Variants in SRCAP observed in about 807,000 individuals in gnomAD.
SRCAP encodes the protein chromatin remodeling protein SRCAP.
Under a neutral mutation model 263.1 loss-of-function variants are expected in SRCAP, and 46 were observed. That is an observed-to-expected ratio of 0.17 (90% CI 0.14 to 0.22). SRCAP has a LOEUF of 0.22. Ranked by LOEUF, SRCAP falls within the 10% of genes least tolerant of loss-of-function variation. The probability of loss-of-function intolerance (pLI) is 1.00; values close to 1 mark genes in which losing one functional copy is unlikely to be tolerated. For synonymous variants in SRCAP, 1,813 were observed against 1,662.1 expected, an observed-to-expected ratio of 1.09 and a Z score of -2.21; for missense variants, 3,695 against 4,181.9, an observed-to-expected ratio of 0.88 and a Z score of 3.21.
chr16:30,737,018 TC>T (rs1343143750), intron 33 of SRCAP, 30 bp from the exon 34 acceptor site: 1 of 1,548,356 alleles, frequency 6.5e-7, no homozygotes, highest in Non-Finnish European at 8.7e-7. Context: ...GCTTGCCTCC[TC>T]CTGACCACTT....
At chr16:30,706,335 A>G (rs1243093741) in intron 4 of SRCAP, among the ~76,000 whole-genome samples, 5 of 152,108 alleles carry the variant, frequency 3.3e-5, no homozygotes, top group African/African-American at 7.2e-5. Context: ...GCATGTGCCT[A>G]TAGTCAGTCT....
rs2053036821 is a variant in SRCAP, at chr16:30,723,950, T to A, written c.4526T>A (p.Leu1509Ter). ...SPSASALTLG[L>*]ATAPSLSSSQ... ...TCAGCATCAGCCTTGACTCTAGGTT[T>A]GGCCACAGCTCCATCCCTGTCTTCA... is the stretch of plus-strand genomic sequence containing the variant. Residue 1509 changes from leucine to a stop codon, truncating the protein, a stop_gained, in exon 25 of 34, where the codon TTG becomes TAG. Transcript: ENST00000262518. LOFTEE classifies it high-confidence loss of function. The A allele has an allele frequency of 6.2e-7, 1 of 1,614,080 alleles. No homozygotes were observed. Among genetic ancestry groups the A allele is most frequent in the African/African-American group, 1.3e-5 (1 of 74,924 alleles).
intron 3 of SRCAP, among the ~76,000 whole-genome samples, chr16:30,702,500 C>T (rs1238682914): frequency 1.3e-5 from 2 of 151,604 alleles, no homozygotes; most frequent in East Asian, 3.9e-4. Context: ...TCCAAAAGTG[C>T]TAGGATTACA....
At chr16:30,706,552 T>C (rs2052829503) in intron 4 of SRCAP, among the ~76,000 whole-genome samples, 1 of 152,220 alleles carries the variant, frequency 6.6e-6, no homozygotes, top group Non-Finnish European at 1.5e-5. Context: ...GTAGAAGCTT[T>C]AGTAAAAATG....
intron 30 of SRCAP, 92 bp from the exon 31 acceptor site, chr16:30,734,404 C>G: frequency 2.6e-6 from 4 of 1,555,226 alleles, no homozygotes; most frequent in Non-Finnish European, 3.5e-6. Flanking sequence ...CCAGTGGTAC[C>G]CCTGACAGTT....
At chr16:30,710,594 TGA>T in intron 8 of SRCAP, 158 bp from the exon 9 acceptor site, 7 of 855,132 alleles carry the variant, frequency 8.2e-6, no homozygotes, top group Non-Finnish European at 1.4e-5. Flanking sequence ...TAGCTGGTGC[TGA>T]GAGAAAACCC....
rs770457886 is a variant in SRCAP, at chr16:30,738,685, C to T, written c.8645C>T (p.Ser2882Leu). The change falls in exon 34 of 34, where the codon TCA becomes TTA. Residue 2882 changes from serine (S) to leucine (L), a missense_variant. Physicochemically the swap from Ser to Leu is moderately radical, Grantham distance 145 (BLOSUM62 -2). Transcript: ENST00000262518. ...GGGAGAGGTGTGGATGAGGCACCCTCATCCACCTTGAAGGGAAAAACCAAT... is the reference window on the plus strand; with the variant it reads ...GGGAGAGGTGTGGATGAGGCACCCTTATCCACCTTGAAGGGAAAAACCAAT... Reference protein sequence around the residue: ...DAGRGVDEAPSSTLKGKTNGA... With the variant: ...DAGRGVDEAPLSTLKGKTNGA... The T allele has an allele frequency of 2.5e-6, 4 of 1,613,976 alleles. No homozygotes were observed. Among genetic ancestry groups the T allele is most frequent in the Admixed American group, 1.7e-5 (1 of 60,004 alleles).
chr16:30,735,567 CTTTTTTTTTTT>C (rs10663863), intron 31 of SRCAP, among the ~76,000 whole-genome samples: 5 of 69,588 alleles, frequency 7.2e-5, no homozygotes, highest in South Asian at 1.2e-3. Flanking sequence ...TTTGACATTA[CTTTTTTTTTTT>C]TTTTTTTTTT....
chr16:30,708,069 C>T (rs994010960), intron 6 of SRCAP, among the ~76,000 whole-genome samples: 6 of 152,244 alleles, frequency 3.9e-5, no homozygotes, highest in African/African-American at 1.2e-4. Context: ...TCTGTATTTT[C>T]GGTCTTGCCT....
At chr16:30,727,570 T>G (rs1038595598) in intron 25 of SRCAP, among the ~76,000 whole-genome samples, 1 of 152,224 alleles carries the variant, frequency 6.6e-6, no homozygotes, top group Middle Eastern at 3.4e-3. Flanking sequence ...GTTTCTTTTT[T>G]TGAGATGGAG....
rs1293951385 is a variant in SRCAP at position 30,722,243 on chromosome 16, C to T, written c.3663C>T (p.Ala1221=). ...GCAACAAGCTGACTTTGACTGGTGC[C>T]CAGGTGCGCCAGCTTGCTGTGGGGC... The part of the protein sequence containing the change: ...IQGNKLTLTG[A]QVRQLAVGQP... The change falls in exon 22 of 34, where the codon GCC becomes GCT. Residue 1221 remains alanine, a synonymous_variant. Transcript: ENST00000262518. 3 of 1,614,150 alleles carry T rather than the reference C, an allele frequency of 1.9e-6. No homozygotes were observed. In the South Asian group the frequency reaches 3.3e-5, roughly 18 times the overall value.
intron 18 of SRCAP, among the ~76,000 whole-genome samples, chr16:30,718,706 G>A (rs1379711126): frequency 1.3e-5 from 2 of 151,574 alleles, no homozygotes; most frequent in African/African-American, 4.9e-5. Flanking sequence ...CCTGACCTCA[G>A]ATAATCTGCC....
chr16:30,724,293 T>G lies in SRCAP; in HGVS notation c.4869T>G (p.Ala1623=). 6.2e-7 allele frequency: 1 copy of G among 1,614,126 alleles called. No individual in the cohort carries two copies. Among genetic ancestry groups the G allele is most frequent in the Non-Finnish European group, 8.5e-7 (1 of 1,180,020 alleles). Residue 1623 remains alanine (A), a synonymous_variant, in exon 25 of 34, where the codon GCT becomes GCG. Coordinates refer to ENST00000262518, the MANE Select transcript of SRCAP (RefSeq NM_006662.3). ...APSPGAAPVL[A]SSQTPVPVMA... The stretch of plus-strand genomic sequence containing the variant: ...CGCCAGGTGCTGCTCCTGTCCTGGC[T>G]TCATCACAGACTCCGGTTCCAGTTA...
In SRCAP at chr16:30,739,730, G is replaced by A. The variant is rs973709922; in HGVS notation, c.9690G>A (p.Thr3230=). The change falls in exon 34 of 34, where the codon ACG becomes ACA. Residue 3230 remains threonine (T), a synonymous_variant. Coordinates refer to ENST00000262518, the MANE Select transcript of SRCAP (RefSeq NM_006662.3). ...GTCACAGAGGCCGCAAGGCCAAGACGTGAGTGGGCTGCCCCTCCACCTAGG... is the reference window on the plus strand; with the variant it reads ...GTCACAGAGGCCGCAAGGCCAAGACATGAGTGGGCTGCCCCTCCACCTAGG... ...AVSHRGRKAK[T] is the part of the protein sequence containing the mutation. 8 of 1,472,048 alleles carry A rather than the reference G, an allele frequency of 5.4e-6. No individual in the cohort carries two copies. Among genetic ancestry groups the A allele is most frequent in the East Asian group, 2.5e-5 (1 of 40,430 alleles). The allele number at this position is 1,472,048 out of a possible 1,614,324, so 91.2% of individuals were successfully genotyped here.
Position 30,724,548 on chromosome 16 carries a change from G to A in SRCAP, c.5124G>A (p.Gln1708=). 6.2e-7 allele frequency: 1 copy of A among 1,614,178 alleles called. No individual in the cohort carries two copies. The highest frequency in any genetic ancestry group is 8.5e-7 in the Non-Finnish European group (1 of 1,180,024). ...QTLSLGTGNP[Q]GPFPTQTLSL... ...TCTCTTTGGGAACGGGGAACCCCCA[G>A]GGACCCTTTCCAACTCAGACATTGT... The change falls in exon 25 of 34, where the codon CAG becomes CAA. Residue 1708 remains glutamine, a synonymous_variant. Coordinates refer to ENST00000262518, the MANE Select transcript of SRCAP (RefSeq NM_006662.3).
At chr16:30,735,437 C>T (rs1451124816) in intron 31 of SRCAP, among the ~76,000 whole-genome samples, 4 of 151,856 alleles carry the variant, frequency 2.6e-5, no homozygotes, top group African/African-American at 9.7e-5. Context: ...TGAGCCACCG[C>T]GCCCGGCCAC....
chr16:30,712,169 T>G lies in SRCAP; in HGVS notation c.1815+12T>G. ...TGGCCACGACCCAGGTATCCCCAGG[T>G]TCTGGCCTCTCCTTTCTCATGTCTT... is the stretch of plus-strand genomic sequence containing the variant. On this transcript the variant is annotated intron_variant, in intron 12 of 33. Coordinates refer to ENST00000262518, the MANE Select transcript of SRCAP (RefSeq NM_006662.3). The G allele has an allele frequency of 6.2e-7, 1 of 1,609,826 alleles. No individual in the cohort carries two copies. Among genetic ancestry groups the G allele is most frequent in the Non-Finnish European group, 8.5e-7 (1 of 1,176,734 alleles).
At position 30,738,877 on chromosome 16, in the gene SRCAP, G is replaced by A. The variant is rs763889246; in HGVS notation, c.8837G>A (p.Arg2946Gln). Reference sequence around the variant, plus strand: ...AGGCGAGGACGACCCCCTAAAGCACGAGATTTGCCCATCCCTGGGACCATT... The same window carrying A: ...AGGCGAGGACGACCCCCTAAAGCACAAGATTTGCCCATCCCTGGGACCATT... ...KRRRGRPPKA[R>Q]DLPIPGTISS... Residue 2946 changes from arginine (R) to glutamine (Q), a missense_variant, in exon 34 of 34, where the codon CGA (arginine) becomes CAA (glutamine). By Grantham distance (43) the Arg-to-Gln change is conservative. This residue lies in a region of SRCAP where 1,207 missense variants were observed against 1,142.9 expected (regional missense o/e 1.06). Coordinates refer to ENST00000262518, the MANE Select transcript of SRCAP (RefSeq NM_006662.3). The A allele has an allele frequency of 3.1e-6, 5 of 1,614,110 alleles. No homozygotes were observed. Among genetic ancestry groups the A allele is most frequent in the East Asian group, 2.2e-5 (1 of 44,872 alleles).
chr16:30,730,338 C>CGCTTAAAACACAAGAGCATTT (rs11268096), intron 27 of SRCAP, among the ~76,000 whole-genome samples: 1 of 152,158 alleles, frequency 6.6e-6, no homozygotes, highest in African/African-American at 2.4e-5. Context: ...AACTAACAGT[C>CGCTTAAAACACAAGAGCATTT]ATTGTTTTCT....
Sources: gnomAD v4.1 joint callset for allele counts (sites outside exome capture counted in the v4.1 genomes callset) on GRCh38, gnomAD v4.1.1 for gene constraint, gnomAD v4.1.1 regional missense constraint, MANE v1.5 for transcripts, NCBI Gene and HGNC (gene_info 2026-07-23, HGNC 2026-07-21) for gene names.